Variants in SEMA3D observed in about 807,000 individuals in gnomAD.
SEMA3D encodes semaphorin 3D.
A neutral mutation model predicts 100.1 loss-of-function variants in SEMA3D; 84 were observed. The ratio of observed to expected loss-of-function variants is 0.84; its 90% confidence interval spans 0.70 to 1.01. SEMA3D has a LOEUF of 1.01. Among genes scored for constraint, SEMA3D ranks in the 50% least tolerant of loss-of-function variants. SEMA3D has a pLI of 0.00. For missense variants in SEMA3D, 875 were observed against 934.1 expected (o/e 0.94, Z 0.82); for synonymous variants, 312 against 320.7 (o/e 0.97, Z 0.29).
At chr7:85,150,075 C>T (rs571028705) in intron 2 of SEMA3D, among the ~76,000 whole-genome samples, 3 of 151,920 alleles carry the variant, frequency 2.0e-5, no homozygotes, top group South Asian at 2.1e-4. Flanking sequence ...AGAAGTTGTA[C>T]GGTGCCCAAC....
intron 1 of SEMA3D, among the ~76,000 whole-genome samples, chr7:85,185,112 A>T (rs1214157416): frequency 6.6e-6 from 1 of 152,104 alleles, no homozygotes; most frequent in Non-Finnish European, 1.5e-5. Context: ...CAAAAAGGAG[A>T]AGGCAAGGCA....
intron 1 of SEMA3D, among the ~76,000 whole-genome samples, chr7:85,157,206 TAAAG>T (rs1384719051): frequency 6.6e-6 from 1 of 152,182 alleles, no homozygotes; most frequent in Non-Finnish European, 1.5e-5. Flanking sequence ...CTTAGATGGA[TAAAG>T]AAAGTCAATA....
chr7:85,096,122 A>G (rs1471243274), intron 4 of SEMA3D, among the ~76,000 whole-genome samples: 1 of 151,982 alleles, frequency 6.6e-6, no homozygotes, highest in Admixed American at 6.6e-5. Context: ...GCATCTCTTA[A>G]AGCAAAATTG....
chr7:85,230,899 T>C, the SEMA3D span, among the ~76,000 whole-genome samples: 4 of 152,192 alleles, frequency 2.6e-5, no homozygotes, highest in Non-Finnish European at 5.9e-5. Context: ...TTGCCTTTCA[T>C]ACTCAGTTGC....
the SEMA3D span, among the ~76,000 whole-genome samples, chr7:85,240,135 C>A: frequency 1.3e-5 from 2 of 152,040 alleles, no homozygotes; most frequent in South Asian, 4.2e-4. Context: ...GTATGATGTT[C>A]ACTATAGGCT....
At chr7:85,166,616 T>C (rs566771907) in intron 1 of SEMA3D, among the ~76,000 whole-genome samples, 59 of 152,036 alleles carry the variant, frequency 3.9e-4, no homozygotes, top group African/African-American at 1.3e-3. Flanking sequence ...ATCTAAGGCA[T>C]AGAGAGATAA....
chr7:85,216,771 ATT>A, the SEMA3D span, among the ~76,000 whole-genome samples: 5 of 151,944 alleles, frequency 3.3e-5, no homozygotes, highest in Non-Finnish European at 5.9e-5. Context: ...TGTCTATGAA[ATT>A]TGTTGTTTTC....
intron 6 of SEMA3D, among the ~76,000 whole-genome samples, chr7:85,068,750 T>C (rs1171297743): frequency 2.6e-5 from 4 of 152,126 alleles, no homozygotes; most frequent in Admixed American, 2.6e-4. Context: ...TTAAACCCTG[T>C]AATAGTTTTT....
intron 6 of SEMA3D, among the ~76,000 whole-genome samples, chr7:85,068,591 A>G (rs1199795114): frequency 6.6e-6 from 1 of 152,162 alleles, no homozygotes; most frequent in African/African-American, 2.4e-5. Context: ...ACCACTAAGA[A>G]CACATATTTC....
chr7:85,056,215 A>G (rs1198560877), intron 8 of SEMA3D, among the ~76,000 whole-genome samples: 1 of 152,086 alleles, frequency 6.6e-6, no homozygotes, highest in Admixed American at 6.5e-5. Flanking sequence ...AGGAAATAGT[A>G]AAAATCTAGC....
intron 2 of SEMA3D, among the ~76,000 whole-genome samples, chr7:85,147,771 T>C (rs1195076355): frequency 2.6e-5 from 4 of 152,178 alleles, no homozygotes; most frequent in African/African-American, 9.6e-5. Context: ...TCTGATCTTG[T>C]AGTTATATAT....
intron 2 of SEMA3D, among the ~76,000 whole-genome samples, chr7:85,153,387 T>C (rs1790488901): frequency 6.6e-6 from 1 of 152,136 alleles, no homozygotes; most frequent in Non-Finnish European, 1.5e-5. Flanking sequence ...TGATCATGTC[T>C]AGAAATAACA....
chr7:85,162,144 C>A (rs1435427265), intron 1 of SEMA3D, among the ~76,000 whole-genome samples: 1 of 151,924 alleles, frequency 6.6e-6, no homozygotes, highest in Non-Finnish European at 1.5e-5. Flanking sequence ...TCCTCTGTTT[C>A]ACAAGTAACA....
chr7:85,181,319 AACACACACACAC>A (rs3076567), intron 1 of SEMA3D, among the ~76,000 whole-genome samples: 2 of 93,682 alleles, frequency 2.1e-5, no homozygotes, highest in African/African-American at 4.7e-5. Flanking sequence ...ACATGCTCAC[AACACACACACAC>A]ACACACACAC....
chr7:85,189,789 T>G (rs956809986), upstream of SEMA3D, among the ~76,000 whole-genome samples: 1 of 152,188 alleles, frequency 6.6e-6, no homozygotes, highest in Non-Finnish European at 1.5e-5. Context: ...CCATCTCTAT[T>G]TGGGCTCACA....
At chr7:85,225,107 CATACATATATACAT>C in the SEMA3D span, among the ~76,000 whole-genome samples, 1 of 37,740 alleles carries the variant, frequency 2.6e-5, no homozygotes, top group African/African-American at 1.3e-4. Context: ...TATATATATA[CATACATATATACAT>C]ATATATAATA....
the SEMA3D span, among the ~76,000 whole-genome samples, chr7:85,216,291 TCAAGTAAAAATAATTTTACATGAAAAAA>T: frequency 6.6e-6 from 1 of 151,968 alleles, no homozygotes; most frequent in African/African-American, 2.4e-5. Context: ...AGTTGTTCTT[TCAAGTAAAAATAATTTTACATGAAAAAA>T]CAAGTGACCA....
At chr7:85,156,141 C>T (rs1389734892) in intron 1 of SEMA3D, among the ~76,000 whole-genome samples, 4 of 148,382 alleles carry the variant, frequency 2.7e-5, no homozygotes, top group Non-Finnish European at 5.9e-5. Flanking sequence ...CTCGCTCTGT[C>T]ACCCAGGCTA....
intron 12 of SEMA3D, among the ~76,000 whole-genome samples, chr7:85,034,416 G>T (rs1790633412): frequency 6.6e-6 from 1 of 151,950 alleles, no homozygotes; most frequent in African/African-American, 2.4e-5. Context: ...AGACCAGCCT[G>T]GTTAACCTGG....
Sources: allele counts gnomAD v4.1 joint callset (sites outside exome capture counted in the v4.1 genomes callset), GRCh38; gene constraint gnomAD v4.1.1; transcripts MANE v1.5; gene names NCBI Gene and HGNC (gene_info 2026-07-23, HGNC 2026-07-21).